SLC24A2: variants seen among roughly 807,000 people sequenced by gnomAD.
SLC24A2 encodes the protein solute carrier family 24 member 2, also known as sodium/potassium/calcium exchanger 2.
SLC24A2 carries 36 observed loss-of-function variants against 62.0 expected under a neutral mutation model. The observed-to-expected ratio is 0.58, with a 90% CI of 0.44 to 0.77. The LOEUF is 0.77. Among genes scored for constraint, SLC24A2 ranks in the 30% least tolerant of loss-of-function variants. The pLI, the probability that SLC24A2 is intolerant of heterozygous loss-of-function variation, is 0.00. For synonymous variants in SLC24A2, 358 were observed against 294.0 expected (o/e 1.22, Z -2.23); for missense variants, 846 against 817.9 (o/e 1.03, Z -0.42).
the SLC24A2 span, among the ~76,000 whole-genome samples, chr9:20,001,479 T>G: frequency 6.6e-6 from 1 of 152,238 alleles, no homozygotes; most frequent in African/African-American, 2.4e-5. Context: ...TCTGCTGAGC[T>G]GAGAATAAGC....
the SLC24A2 span, among the ~76,000 whole-genome samples, chr9:19,984,716 T>C: frequency 6.6e-6 from 1 of 152,086 alleles, no homozygotes; most frequent in East Asian, 1.9e-4. Flanking sequence ...AACAAATAAA[T>C]AAATAAGCCC....
At chr9:19,682,376 T>C (rs962825722) in intron 2 of SLC24A2, among the ~76,000 whole-genome samples, 4 of 152,066 alleles carry the variant, frequency 2.6e-5, no homozygotes, top group African/African-American at 7.2e-5. Context: ...GGGAGAAACA[T>C]TACCTTAAAT....
rs138364203 is a variant in SLC24A2, at chr9:19,653,118, T to C, written c.931-30819A>G. Among the ~76,000 whole-genome samples the C allele has an allele frequency of 4.1e-3, 621 of 152,326 alleles. 18 individuals carry two copies. The highest frequency in any genetic ancestry group is 0.037 in the Admixed American group (568 of 15,294). ...ACTGCTCACCCCCCAAACTTGGACA[T>C]GTACAGCTAAGTTGTAAGCCTGTTT... On this transcript the variant is annotated intron_variant, in intron 2 of 10. Coordinates refer to ENST00000341998, the MANE Select transcript of SLC24A2 (RefSeq NM_020344.4).
chr9:20,149,187 T>C, the SLC24A2 span, among the ~76,000 whole-genome samples: 1 of 152,006 alleles, frequency 6.6e-6, no homozygotes, highest in East Asian at 1.9e-4. Flanking sequence ...CCAACTGCAA[T>C]ATCCAACTCA....
the SLC24A2 span, among the ~76,000 whole-genome samples, chr9:20,297,135 AG>A: frequency 6.6e-6 from 1 of 152,182 alleles, no homozygotes; most frequent in Non-Finnish European, 1.5e-5. Flanking sequence ...CCCACCAACA[AG>A]TGGGAGAGCA....
chr9:20,004,818 TTTTTC>T, the SLC24A2 span, among the ~76,000 whole-genome samples: 1 of 152,166 alleles, frequency 6.6e-6, no homozygotes, highest in Non-Finnish European at 1.5e-5. Context: ...ATGATTTTTT[TTTTTC>T]TTCCTTTGGG....
chr9:19,990,162 T>C, the SLC24A2 span, among the ~76,000 whole-genome samples: 1 of 152,292 alleles, frequency 6.6e-6, no homozygotes, highest in East Asian at 1.9e-4. Flanking sequence ...CTGTAAAATT[T>C]GTAACATAAT....
At chr9:19,526,434 C>T (rs1055790847) in intron 9 of SLC24A2, among the ~76,000 whole-genome samples, 4 of 152,164 alleles carry the variant, frequency 2.6e-5, no homozygotes, top group African/African-American at 9.7e-5. Flanking sequence ...AAACTATTTC[C>T]CAAAGTGGCT....
At chr9:19,908,018 C>T in the SLC24A2 span, among the ~76,000 whole-genome samples, 734 of 152,260 alleles carry the variant, frequency 4.8e-3, 10 homozygotes, top group African/African-American at 0.017. Context: ...AAAGTGCCCG[C>T]ATCACAAAGT....
chr9:19,855,613 G>A, the SLC24A2 span, among the ~76,000 whole-genome samples: 1 of 152,162 alleles, frequency 6.6e-6, no homozygotes, highest in Non-Finnish European at 1.5e-5. Context: ...GTTGAACGTT[G>A]GTCCCCAATC....
At chr9:19,760,230 A>G (rs528643841) in intron 2 of SLC24A2, among the ~76,000 whole-genome samples, 3 of 151,868 alleles carry the variant, frequency 2.0e-5, no homozygotes, top group South Asian at 2.1e-4. Context: ...GGGCCTTTCC[A>G]TTTGTGTGCA....
chr9:19,559,808 C>T (rs1461567822), intron 7 of SLC24A2, among the ~76,000 whole-genome samples: 2 of 152,160 alleles, frequency 1.3e-5, no homozygotes, highest in African/African-American at 4.8e-5. Flanking sequence ...CCATTGTTTC[C>T]TAAACATATT....
chr9:19,573,258 TG>T, intron 7 of SLC24A2, 92 bp downstream of exon 7: 7 of 859,986 alleles, frequency 8.1e-6, no homozygotes, highest in African/African-American at 1.7e-5. Flanking sequence ...AGCTGAGAGC[TG>T]GGGCTTCCAA....
chr9:19,766,473 T>A (rs911186432), intron 2 of SLC24A2, among the ~76,000 whole-genome samples: 24 of 152,218 alleles, frequency 1.6e-4, no homozygotes, highest in African/African-American at 5.8e-4. Context: ...GACCTTCAGA[T>A]GGAGTTTTTG....
At chr9:20,233,779 C>G in the SLC24A2 span, among the ~76,000 whole-genome samples, 1 of 152,120 alleles carries the variant, frequency 6.6e-6, no homozygotes, top group Admixed American at 6.5e-5. Context: ...ATGATGTTAG[C>G]TGGTTATTTT....
At chr9:20,083,532 C>T in the SLC24A2 span, among the ~76,000 whole-genome samples, 1 of 152,230 alleles carries the variant, frequency 6.6e-6, no homozygotes, top group Non-Finnish European at 1.5e-5. Context: ...CATTACCGTG[C>T]TTCTCACATG....
At chr9:19,771,861 G>T (rs1357021681) in intron 2 of SLC24A2, among the ~76,000 whole-genome samples, 2 of 152,144 alleles carry the variant, frequency 1.3e-5, no homozygotes, top group East Asian at 3.8e-4. Context: ...ACAAAGTGCT[G>T]TTCAAGATGG....
chr9:20,165,834 A>G, the SLC24A2 span, among the ~76,000 whole-genome samples: 1 of 151,958 alleles, frequency 6.6e-6, no homozygotes, highest in Non-Finnish European at 1.5e-5. Flanking sequence ...AAATAAACAC[A>G]CCAGAAACAA....
chr9:20,083,647 A>G, the SLC24A2 span, among the ~76,000 whole-genome samples: 5 of 152,260 alleles, frequency 3.3e-5, no homozygotes, highest in Non-Finnish European at 5.9e-5. Flanking sequence ...ATTTTATGAT[A>G]ACACAGTACC....
Sources: allele counts gnomAD v4.1 joint callset (sites outside exome capture counted in the v4.1 genomes callset), GRCh38; gene constraint gnomAD v4.1.1; transcripts MANE v1.5; gene names NCBI Gene and HGNC (gene_info 2026-07-23, HGNC 2026-07-21).